Variants in A2ML1 observed in about 807,000 individuals in gnomAD.
A2ML1 encodes the protein alpha-2-macroglobulin-like protein 1.
A2ML1 carries 161 observed loss-of-function variants against 181.9 expected under a neutral mutation model. That is an observed-to-expected ratio of 0.89 (90% CI 0.78 to 1.01). A2ML1 has a LOEUF of 1.01. A2ML1 is among the 50% of genes least tolerant of loss of function. A2ML1 has a pLI of 0.00. For missense variants in A2ML1, 1,670 were observed against 1,768.1 expected, an observed-to-expected ratio of 0.94 and a Z score of 1.00; for synonymous variants, 663 against 666.8, an observed-to-expected ratio of 0.99 and a Z score of 0.09.
downstream of A2ML1, among the ~76,000 whole-genome samples, chr12:8,878,266 G>A (rs541407865): frequency 2.6e-5 from 4 of 152,284 alleles, no homozygotes; most frequent in East Asian, 1.9e-4. The surrounding 1 kb of genome is among the most constrained non-coding windows in gnomAD (Gnocchi z 4.4). Context: ...TCATGCCATC[G>A]CACTTCAGCC....
chr12:8,851,154 T>C (rs1020742025), intron 18 of A2ML1, among the ~76,000 whole-genome samples: 2 of 152,168 alleles, frequency 1.3e-5, no homozygotes, highest in Non-Finnish European at 2.9e-5. Context: ...TTTAAAGGTA[T>C]ATATTGACAT....
chr12:8,847,100 T>A (rs1046938523), intron 14 of A2ML1, among the ~76,000 whole-genome samples: 2 of 100,990 alleles, frequency 2.0e-5, no homozygotes. Context: ...ATGCCTGGCT[T>A]TTTTTTTTTT....
chr12:8,836,949 G>T (rs2377599), intron 7 of A2ML1, among the ~76,000 whole-genome samples: 144,516 of 152,200 alleles, frequency 0.95, 68,941 homozygotes, highest in East Asian at 1. Context: ...AATTGTGGAA[G>T]TGGGTCTACT....
intron 28 of A2ML1, among the ~76,000 whole-genome samples, chr12:8,861,631 G>T (rs1464240767): frequency 6.6e-6 from 1 of 151,914 alleles, no homozygotes; most frequent in African/African-American, 2.4e-5. Context: ...GGGACTACAG[G>T]CGCCCACCAC....
In A2ML1 at chr12:8,835,509, T is replaced by C. The variant is rs1408966246; in HGVS notation, c.486T>C (p.Asp162=). The change falls in exon 6 of 36, where the codon GAT becomes GAC. Residue 162 remains aspartate, a splice_region_variant and synonymous_variant. Transcript: ENST00000299698. The part of the protein sequence containing the change: ...NDKYSMVELQ[D]PNSNRIAQWL... ...CATGCAGTTTCTCTATTGGACAGGATCCAAATAGCAACAGGATTGCACAGT... is the reference window on the plus strand; with the variant it reads ...CATGCAGTTTCTCTATTGGACAGGACCCAAATAGCAACAGGATTGCACAGT... 1.2e-6 allele frequency: 2 copies of C among 1,613,830 alleles called. No individual in the cohort carries two copies. The highest frequency in any genetic ancestry group is 1.7e-6 in the Non-Finnish European group (2 of 1,179,946).
intron 17 of A2ML1, 78 bp downstream of exon 17, chr12:8,849,837 G>A: frequency 7.4e-7 from 1 of 1,345,738 alleles, no homozygotes; most frequent in Non-Finnish European, 1.1e-6. Context: ...CTTGCCTCCT[G>A]TTCTTGCACT....
intron 4 of A2ML1, among the ~76,000 whole-genome samples, chr12:8,831,588 T>A (rs1450385821): frequency 3.9e-5 from 6 of 152,160 alleles, no homozygotes; most frequent in Non-Finnish European, 7.3e-5. Context: ...ACCCAATGGG[T>A]TCACCTTGCC....
At chr12:8,836,900 G>A (rs976735876) in intron 7 of A2ML1, among the ~76,000 whole-genome samples, 1 of 152,180 alleles carries the variant, frequency 6.6e-6, no homozygotes. Flanking sequence ...TATGGATCAG[G>A]AGAAAGAAAG....
chr12:8,846,239 GA>G lies in A2ML1; in HGVS notation c.1683+19del. On this transcript the variant is annotated intron_variant, in intron 14 of 35. Coordinates refer to ENST00000299698, the MANE Select transcript of A2ML1 (RefSeq NM_144670.6). ...GACAATCAGGTAAAATGATAGCGGA[GA>G]AGGGTGAAGATAAAAGTTGGGCATA... The G allele has an allele frequency of 6.2e-7, 1 of 1,613,338 alleles. No homozygotes were observed. Among genetic ancestry groups the G allele is most frequent in the Non-Finnish European group, 8.5e-7 (1 of 1,179,328 alleles).
intron 28 of A2ML1, 86 bp from the exon 29 acceptor site, chr12:8,863,708 C>G: frequency 1.5e-6 from 2 of 1,344,718 alleles, no homozygotes; most frequent in South Asian, 1.3e-5. Flanking sequence ...GGTACTTACT[C>G]TGCTCTAAGA....
chr12:8,872,655 G>A (rs7135775), intron 33 of A2ML1, among the ~76,000 whole-genome samples: 6,990 of 151,540 alleles, frequency 0.046, 502 homozygotes, highest in African/African-American at 0.16. Context: ...ATGGTTGTGC[G>A]TGCCGGTAGT....
chr12:8,850,264 T>G lies in A2ML1; in HGVS notation c.2224T>G (p.Phe742Val). Residue 742 changes from phenylalanine (F) to valine (V), a missense_variant, in exon 18 of 36, where the codon TTT (phenylalanine) becomes GTT (valine). Phe to Val is a conservative substitution (Grantham distance 50). Coordinates refer to ENST00000299698, the MANE Select transcript of A2ML1 (RefSeq NM_144670.6). Reference protein sequence around the residue: ...YFPETWLWDLFPIGNSGKEAV... With the variant: ...YFPETWLWDLVPIGNSGKEAV... ...CCCAGAGACCTGGCTCTGGGATCTG[T>G]TTCCTATTGGGTAAGTGATGACTCA... 6.2e-7 allele frequency: 1 copy of G among 1,611,800 alleles called. No homozygotes were observed. Among genetic ancestry groups the G allele is most frequent in the South Asian group, 1.1e-5 (1 of 90,744 alleles).
Position 8,839,231 on chromosome 12 carries a change from A to C in A2ML1, c.1080+9A>C. 2 of 1,605,472 alleles carry C rather than the reference A, an allele frequency of 1.2e-6. No individual in the cohort carries two copies. Among genetic ancestry groups the C allele is most frequent in the Non-Finnish European group, 8.5e-7 (1 of 1,173,140 alleles). ...TCCCCTTCAGTGGGAAGGTATGTTA[A>C]AACTTTTCTCTGCATAGACAAAAAA... On this transcript the variant is annotated intron_variant, in intron 10 of 35. Coordinates refer to ENST00000299698, the MANE Select transcript of A2ML1 (RefSeq NM_144670.6).
At chr12:8,868,133 C>G in intron 30 of A2ML1, 76 bp downstream of exon 30, 7 of 1,609,452 alleles carry the variant, frequency 4.3e-6, no homozygotes, top group Non-Finnish European at 5.9e-6. Context: ...GGCCTTCTCT[C>G]TCTCTTTCTT....
In A2ML1 at chr12:8,850,288, C is replaced by T; in HGVS notation, c.2234+14C>T. On this transcript the variant is annotated intron_variant, in intron 18 of 35. Coordinates refer to ENST00000299698, the MANE Select transcript of A2ML1 (RefSeq NM_144670.6). ...GTTTCCTATTGGGTAAGTGATGACT[C>T]AAAAGTACAGTAAAGGGCCAGGTGC... 1 of 1,594,954 alleles carries T rather than the reference C, an allele frequency of 6.3e-7. No homozygotes were observed. Among genetic ancestry groups the T allele is most frequent in the South Asian group, 1.1e-5 (1 of 88,478 alleles).
Position 8,852,069 on chromosome 12 carries a change from A to T in A2ML1, c.2463+57A>T. The T allele has an allele frequency of 1.9e-6, 3 of 1,594,090 alleles. No homozygotes were observed. Among genetic ancestry groups the T allele is most frequent in the Non-Finnish European group, 2.6e-6 (3 of 1,164,510 alleles). ...AGCCCTGGAATCACACCTCCCCCATAAGTTTGTCTCTAAATTGGAAGCATC... is the reference window on the plus strand; with the variant it reads ...AGCCCTGGAATCACACCTCCCCCATTAGTTTGTCTCTAAATTGGAAGCATC... On this transcript the variant is annotated intron_variant, in intron 19 of 35. Coordinates refer to ENST00000299698, the MANE Select transcript of A2ML1 (RefSeq NM_144670.6). The surrounding 1 kb of genome is among the most constrained non-coding windows in gnomAD (Gnocchi z 4.2).
At chr12:8,823,531 T>G (rs1404358582) in intron 2 of A2ML1, 166 bp downstream of exon 2, 62 of 1,075,908 alleles carry the variant, frequency 5.8e-5, no homozygotes, top group Non-Finnish European at 6.1e-5. Flanking sequence ...ACCCACGGTT[T>G]CCTCGACCTA....
intron 30 of A2ML1, 46 bp downstream of exon 30, chr12:8,868,103 C>T (rs1472576349): frequency 1.7e-5 from 28 of 1,608,468 alleles, no homozygotes; most frequent in African/African-American, 2.7e-5. Flanking sequence ...GAAGGAGAGT[C>T]GGAGAGCATC....
intron 12 of A2ML1, 61 bp from the exon 13 acceptor site, chr12:8,845,381 T>A (rs1474428999): frequency 1.3e-6 from 2 of 1,570,728 alleles, no homozygotes; most frequent in African/African-American, 2.7e-5. Flanking sequence ...GCTCTGGAAG[T>A]TGGTCCAAGG....
Sources: gnomAD v4.1 joint callset for allele counts (sites outside exome capture counted in the v4.1 genomes callset) on GRCh38, gnomAD v4.1.1 for gene constraint, Gnocchi (gnomAD v3.1) non-coding constraint, MANE v1.5 for transcripts, NCBI Gene and HGNC (gene_info 2026-07-23, HGNC 2026-07-21) for gene names.